Variants in ABCA10 observed in about 807,000 individuals in gnomAD.
ABCA10 encodes ATP-binding cassette sub-family A member 10.
ABCA10 carries 169 observed loss-of-function variants against 187.5 expected under a neutral mutation model. The observed-to-expected ratio is 0.90, with a 90% confidence interval of 0.80 to 1.02. The LOEUF (loss-of-function observed/expected upper bound fraction) is 1.02. ABCA10 is among the 50% of genes least tolerant of loss of function. The probability of loss-of-function intolerance (pLI) is 0.00; values close to 1 mark genes in which losing one functional copy is unlikely to be tolerated. For missense variants in ABCA10, 1,727 were observed against 1,812.4 expected (o/e 0.95, Z 0.86); for synonymous variants, 574 against 601.8 (o/e 0.95, Z 0.68).
At chr17:69,156,570 G>T (rs186996425) in intron 28 of ABCA10, among the ~76,000 whole-genome samples, 2 of 151,986 alleles carry the variant, frequency 1.3e-5, no homozygotes, top group African/African-American at 4.8e-5. Context: ...CACAACAGGA[G>T]GATTACTTGA....
chr17:69,191,953 C>T (rs1156263562), intron 16 of ABCA10, among the ~76,000 whole-genome samples: 1 of 152,156 alleles, frequency 6.6e-6, no homozygotes, highest in Non-Finnish European at 1.5e-5. Context: ...AAATTTAGGC[C>T]AAATTGTTTT....
In ABCA10 at chr17:69,188,590, G is replaced by A. The variant is rs2074438788; in HGVS notation, c.2132-711C>T. 2.0e-5 allele frequency among the ~76,000 whole-genome samples: 3 copies of A among 151,608 alleles called. No individual in the cohort carries two copies. The South Asian group carries it at 6.3e-4, about 32-fold the overall frequency. On this transcript the variant is annotated intron_variant, in intron 18 of 38. Coordinates refer to ENST00000690296, the MANE Select transcript of ABCA10 (RefSeq NM_001377321.1). The stretch of plus-strand genomic sequence containing the variant: ...ATTTAGGTGCAGGCTTGTTACATGA[G>A]TAAATTGCGTGTCATGGGGATTTGG...
rs371268131 is a variant in ABCA10, at chr17:69,188,503, C to CT, written c.2132-625dup. Among the ~76,000 whole-genome samples, 659 of 149,966 alleles carry CT rather than the reference C, an allele frequency of 4.4e-3. 4 individuals are homozygous for CT. The highest frequency in any genetic ancestry group is 0.015 in the African/African-American group (603 of 40,640). ...CTGGTATCTAGTAGCCTCCTAAATT[C>CT]TTTTTTTTCTTTCCAATTTTTATTT... On this transcript the variant is annotated intron_variant, in intron 18 of 38. Coordinates refer to ENST00000690296, the MANE Select transcript of ABCA10 (RefSeq NM_001377321.1).
chr17:69,207,743 G>C (rs2144824936), intron 9 of ABCA10, among the ~76,000 whole-genome samples: 1 of 152,278 alleles, frequency 6.6e-6, no homozygotes, highest in South Asian at 2.1e-4. Flanking sequence ...TTGGCTACCA[G>C]GGCCTGGCAG....
chr17:69,221,972 CA>C (rs1383580516), intron 4 of ABCA10, 77 bp from the exon 5 acceptor site: 1 of 1,065,940 alleles, frequency 9.4e-7, no homozygotes, highest in African/African-American at 1.6e-5. Context: ...AACTTTGGCT[CA>C]AAAATCAAAA....
chr17:69,173,153 ATG>A (rs2074309670), intron 25 of ABCA10, among the ~76,000 whole-genome samples: 2 of 152,190 alleles, frequency 1.3e-5, no homozygotes, highest in Admixed American at 6.5e-5. Context: ...ATAAAGATCA[ATG>A]ACTAATGCCG....
In ABCA10 at chr17:69,173,493, CAGA is replaced by C. The variant is rs576860547; in HGVS notation, c.3162+785_3162+787del. On this transcript the variant is annotated intron_variant, in intron 25 of 38. Transcript: ENST00000690296. Reference sequence around the variant, plus strand: ...GTCCACAGAAAGAGAAAGGAAAATCCAGAAGAAGAAGAAGAAAAAAAGAGAGAG... The same window carrying C: ...GTCCACAGAAAGAGAAAGGAAAATCCAGAAGAAGAAGAAAAAAAGAGAGAG... Among the ~76,000 whole-genome samples, 12 of 152,144 alleles carry C rather than the reference CAGA, an allele frequency of 7.9e-5. 1 individual carries two copies. Among genetic ancestry groups the C allele is most frequent in the East Asian group, 1.9e-4 (1 of 5,184 alleles).
At position 69,148,781 on chromosome 17, in the gene ABCA10, A is replaced by T; in HGVS notation, c.*46T>A. 1.4e-6 allele frequency: 2 copies of T among 1,438,756 alleles called. No individual in the cohort carries two copies. The allele number at this position is 1,438,756 out of a possible 1,614,324, so 89.1% of individuals were successfully genotyped here. On this transcript the variant is annotated 3_prime_UTR_variant, in exon 39 of 39. Transcript: ENST00000690296. ...ACATTCTTGTAGAATTATGGAAACT[A>T]ACAATGTAGTAGGACCTAAAATTGA...
intron 9 of ABCA10, among the ~76,000 whole-genome samples, chr17:69,208,487 T>A (rs1464996016): frequency 6.8e-6 from 1 of 147,102 alleles, no homozygotes; most frequent in Non-Finnish European, 1.5e-5. Flanking sequence ...AAACCAAAAA[T>A]TTAGTATGGC....
chr17:69,157,312 C>T lies in ABCA10; in HGVS notation c.3364-389G>A, dbSNP rs183306729. On this transcript the variant is annotated intron_variant, in intron 27 of 38. Coordinates refer to ENST00000690296, the MANE Select transcript of ABCA10 (RefSeq NM_001377321.1). Reference sequence around the variant, plus strand: ...TCAAACTTCCGTTTTCATGCCATGTCCAGGAGCAGAAGACAGAAGAAACTG... The same window carrying T: ...TCAAACTTCCGTTTTCATGCCATGTTCAGGAGCAGAAGACAGAAGAAACTG... 1.4e-3 allele frequency among the ~76,000 whole-genome samples: 210 copies of T among 152,244 alleles called. 2 individuals are homozygous for T. Among genetic ancestry groups the T allele is most frequent in the Non-Finnish European group, 3.7e-4 (25 of 67,996 alleles).
chr17:69,225,506 T>C lies in ABCA10; in HGVS notation c.-148A>G. On this transcript the variant is annotated 5_prime_UTR_variant, in exon 3 of 39. Coordinates refer to ENST00000690296, the MANE Select transcript of ABCA10 (RefSeq NM_001377321.1). Reference sequence around the variant, plus strand: ...CCGAAAAGATGCACAAATATAGCCCTAGAAACAATGTTATTGTCCATTCCT... The same window carrying C: ...CCGAAAAGATGCACAAATATAGCCCCAGAAACAATGTTATTGTCCATTCCT... 1 of 670,070 alleles carries C rather than the reference T, an allele frequency of 1.5e-6. No individual in the cohort carries two copies. 41.5% of individuals were successfully genotyped at this position (670,070 alleles called of 1,614,324 possible).
intron 25 of ABCA10, among the ~76,000 whole-genome samples, chr17:69,173,269 C>T (rs8080693): frequency 0.56 from 84,919 of 151,934 alleles, 25,242 homozygotes; most frequent in Non-Finnish European, 0.67. Flanking sequence ...CACAGGGATG[C>T]GATTTGGAAG....
At position 69,153,996 on chromosome 17, in the gene ABCA10, C is replaced by T; in HGVS notation, c.3800G>A (p.Gly1267Asp). The change falls in exon 32 of 39, where the codon GGC becomes GAC. Residue 1267 changes from glycine (G) to aspartate (D), a missense_variant. Gly to Asp is a moderately conservative substitution (Grantham distance 94). Coordinates refer to ENST00000690296, the MANE Select transcript of ABCA10 (RefSeq NM_001377321.1). ...KPTAGVVVLQ[G>D]SRASVRQQHD... ...CTGTTGCCTTACTGATGCTCTGCTG[C>T]CTTGTAACACCACCTGCACAAGACA... The T allele has an allele frequency of 2.5e-6, 4 of 1,613,566 alleles. No individual in the cohort carries two copies. The highest frequency in any genetic ancestry group is 3.4e-6 in the Non-Finnish European group (4 of 1,179,738).
chr17:69,175,294 T>C, intron 23 of ABCA10, 112 bp downstream of exon 23: 3 of 823,006 alleles, frequency 3.6e-6, no homozygotes, highest in Non-Finnish European at 5.6e-6. Flanking sequence ...TTGTAATGTA[T>C]GTGTAAAAAC....
rs758054228 is a variant in ABCA10, at chr17:69,187,665, G to C, written c.2330+16C>G. 1.9e-6 allele frequency: 3 copies of C among 1,610,040 alleles called. No homozygotes were observed. ...CATATACTGACCAAATAGATATAAA[G>C]TAATCTGATACTCACAAACACAAAA... On this transcript the variant is annotated intron_variant, in intron 19 of 38. Coordinates refer to ENST00000690296, the MANE Select transcript of ABCA10 (RefSeq NM_001377321.1).
chr17:69,153,805 A>G, intron 32 of ABCA10, 26 bp downstream of exon 32: 1 of 1,583,680 alleles, frequency 6.3e-7, no homozygotes. Context: ...TCCTCCTGCT[A>G]CAAATTGTGA....
chr17:69,214,910 T>A (rs1241181391), intron 8 of ABCA10, 59 bp from the exon 9 acceptor site: 3 of 1,285,558 alleles, frequency 2.3e-6, no homozygotes, highest in African/African-American at 3.2e-5. Context: ...AATAAAACAA[T>A]TTTTTTTAAA....
chr17:69,216,351 A>T lies in ABCA10; in HGVS notation c.538T>A (p.Trp180Arg). The T allele has an allele frequency of 6.2e-7, 1 of 1,611,230 alleles. No individual in the cohort carries two copies. The highest frequency in any genetic ancestry group is 8.5e-7 in the Non-Finnish European group (1 of 1,178,784). Residue 180 changes from tryptophan to arginine, a missense_variant, in exon 7 of 39, where the codon TGG becomes AGG. Coordinates refer to ENST00000690296, the MANE Select transcript of ABCA10 (RefSeq NM_001377321.1). ...GLRESAFWLSWGLTYICFIFI... is the reference protein window; with the variant it reads ...GLRESAFWLSRGLTYICFIFI... ...ATGAAGCAAATGTATGTCAATCCCC[A>T]GGAGAGCCTATAGTAGAAACAAGGT...
At chr17:69,172,764 A>T (rs1279169676) in intron 25 of ABCA10, among the ~76,000 whole-genome samples, 1 of 150,988 alleles carries the variant, frequency 6.6e-6, no homozygotes, top group Non-Finnish European at 1.5e-5. Flanking sequence ...AACTTCAAGA[A>T]TATCAAAAAT....
Sources: allele counts gnomAD v4.1 joint callset (sites outside exome capture counted in the v4.1 genomes callset), GRCh38; gene constraint gnomAD v4.1.1; transcripts MANE v1.5; gene names NCBI Gene and HGNC (gene_info 2026-07-23, HGNC 2026-07-21).